FGD4: variants seen among roughly 807,000 people sequenced by gnomAD.
The protein encoded by FGD4 is FYVE, RhoGEF and PH domain-containing protein 4.
Under a neutral mutation model 102.0 loss-of-function variants are expected in FGD4, and 42 were observed. That is an observed-to-expected ratio of 0.41 (90% confidence interval 0.32 to 0.53). The LOEUF (loss-of-function observed/expected upper bound fraction) is 0.53. FGD4 is among the 20% of genes least tolerant of loss of function. FGD4 has a pLI of 0.21. For missense variants in FGD4, 902 were observed against 1,078.2 expected, an observed-to-expected ratio of 0.84 and a Z score of 2.29; for synonymous variants, 380 against 375.7, an observed-to-expected ratio of 1.01 and a Z score of -0.13.
chr12:32,472,376 G>C (rs903794343), intron 1 of FGD4, among the ~76,000 whole-genome samples: 1 of 151,712 alleles, frequency 6.6e-6, no homozygotes, highest in Non-Finnish European at 1.5e-5. Flanking sequence ...GGTGGGCCCC[G>C]CACTCGGAGC....
At chr12:32,424,664 T>C (rs1941767449) in intron 1 of FGD4, among the ~76,000 whole-genome samples, 2 of 152,228 alleles carry the variant, frequency 1.3e-5, no homozygotes, top group African/African-American at 4.8e-5. Flanking sequence ...CCACAATGGT[T>C]GAACTAATTT....
intron 1 of FGD4, among the ~76,000 whole-genome samples, chr12:32,530,042 G>A (rs760915425): frequency 5.9e-5 from 9 of 151,944 alleles, no homozygotes; most frequent in Non-Finnish European, 1.2e-4. Flanking sequence ...TTTAAACATT[G>A]TAGATATATA....
chr12:32,586,405 C>T (rs1947035106), intron 4 of FGD4, among the ~76,000 whole-genome samples: 1 of 152,168 alleles, frequency 6.6e-6, no homozygotes, highest in Non-Finnish European at 1.5e-5. Flanking sequence ...TTTTTCTGAG[C>T]TGTTTGAAAA....
intron 10 of FGD4, among the ~76,000 whole-genome samples, chr12:32,611,831 G>A (rs1054273942): frequency 5.9e-4 from 90 of 152,148 alleles, no homozygotes; most frequent in African/African-American, 2.0e-3. Flanking sequence ...TGGTTGCAGC[G>A]GGGGAGGCAT....
chr12:32,453,329 GT>G (rs1332880399), intron 1 of FGD4, among the ~76,000 whole-genome samples: 7 of 150,482 alleles, frequency 4.7e-5, no homozygotes, highest in Admixed American at 2.7e-4. Flanking sequence ...CACCTCCTGG[GT>G]TTAAGCAATT....
At chr12:32,546,963 T>G (rs1943273159) in intron 1 of FGD4, among the ~76,000 whole-genome samples, 1 of 152,216 alleles carries the variant, frequency 6.6e-6, no homozygotes, top group Non-Finnish European at 1.5e-5. Flanking sequence ...TTTCTTAAAT[T>G]GATTTGTTTG....
chr12:32,521,372 C>CAAAAA (rs60786078), intron 1 of FGD4, among the ~76,000 whole-genome samples: 8,194 of 93,400 alleles, frequency 0.088, 611 homozygotes, highest in African/African-American at 0.23. Context: ...GACTCCGTCT[C>CAAAAA]AAAAAAAAAA....
chr12:32,598,470 A>G, intron 4 of FGD4, 27 bp from the exon 5 acceptor site: 2 of 1,468,344 alleles, frequency 1.4e-6, no homozygotes, highest in Non-Finnish European at 1.9e-6. Flanking sequence ...ATCTTTCCTA[A>G]TGTGTGAATA....
intron 1 of FGD4, among the ~76,000 whole-genome samples, chr12:32,559,540 A>C: frequency 6.6e-6 from 1 of 152,348 alleles, no homozygotes. Flanking sequence ...TTTAATAAAC[A>C]ATGTTCTGAA....
At chr12:32,617,740 A>C (rs2136851966) in intron 10 of FGD4, among the ~76,000 whole-genome samples, 1 of 152,356 alleles carries the variant, frequency 6.6e-6, no homozygotes, top group Admixed American at 6.5e-5. Context: ...CCCAAAGAGA[A>C]GTAATTATTT....
chr12:32,577,360 G>T (rs1033731451), intron 3 of FGD4, among the ~76,000 whole-genome samples: 1 of 152,106 alleles, frequency 6.6e-6, no homozygotes, highest in African/African-American at 2.4e-5. Flanking sequence ...TAATATTTGG[G>T]ACTTGTTAAC....
intron 1 of FGD4, among the ~76,000 whole-genome samples, chr12:32,517,671 T>A (rs1348025025): frequency 1.3e-5 from 2 of 152,108 alleles, no homozygotes; most frequent in Non-Finnish European, 2.9e-5. Context: ...GGCAGGAGAA[T>A]TGCTTGAGCC....
At chr12:32,498,083 T>C (rs761996333) in intron 1 of FGD4, among the ~76,000 whole-genome samples, 2 of 152,158 alleles carry the variant, frequency 1.3e-5, no homozygotes, top group Non-Finnish European at 2.9e-5. Flanking sequence ...AAACAGGAAC[T>C]AGAGTCTAGG....
At chr12:32,524,063 T>C (rs1940842515) in intron 1 of FGD4, among the ~76,000 whole-genome samples, 1 of 151,754 alleles carries the variant, frequency 6.6e-6, no homozygotes, top group Admixed American at 6.6e-5. Flanking sequence ...ATAGTAAAGA[T>C]AATAATAGTT....
chr12:32,632,708 TA>T (rs1237977633), intron 14 of FGD4, among the ~76,000 whole-genome samples: 2,316 of 120,246 alleles, frequency 0.019, 24 homozygotes, highest in East Asian at 0.024. Context: ...TTTATTTATT[TA>T]TTTATTTTTT....
At chr12:32,626,548 A>G (rs960902345) in intron 14 of FGD4, among the ~76,000 whole-genome samples, 2 of 152,160 alleles carry the variant, frequency 1.3e-5, no homozygotes, top group African/African-American at 4.8e-5. Context: ...ACCCTGAGGT[A>G]AGAAGGAACT....
intron 12 of FGD4, 79 bp from the exon 13 acceptor site, chr12:32,624,897 G>C (rs562334954): frequency 1.7e-5 from 21 of 1,204,286 alleles, no homozygotes; most frequent in Non-Finnish European, 2.5e-5. Context: ...TCCTATCATA[G>C]ATATTTGTTT....
rs1592521373 is a variant in FGD4, at chr12:32,642,785, A to C, written c.*2252A>C. 6.6e-6 allele frequency: 1 copy of C among 152,334 alleles called. No individual in the cohort carries two copies. Among genetic ancestry groups the C allele is most frequent in the African/African-American group, 2.4e-5 (1 of 41,442 alleles). 9.4% of individuals were successfully genotyped at this position (152,334 alleles called of 1,614,324 possible). The stretch of plus-strand genomic sequence containing the variant: ...GCTAAACGCAAAGAGAAGCAGTGAA[A>C]CAGCCTTACCCGCTTCTCTCTTATT... On this transcript the variant is annotated 3_prime_UTR_variant, in exon 17 of 17. Transcript: ENST00000534526.
chr12:32,412,917 T>TTTTTTTTA (rs1941265623), intron 1 of FGD4, among the ~76,000 whole-genome samples: 1 of 141,242 alleles, frequency 7.1e-6, no homozygotes. Flanking sequence ...TTTTTTTTTT[T>TTTTTTTTA]TTTTTTTAAT....
Sources: allele counts gnomAD v4.1 joint callset (sites outside exome capture counted in the v4.1 genomes callset), GRCh38; gene constraint gnomAD v4.1.1; transcripts MANE v1.5; gene names NCBI Gene and HGNC (gene_info 2026-07-23, HGNC 2026-07-21).